Variants in STK10 observed in about 807,000 individuals in gnomAD.
STK10 encodes the protein serine/threonine kinase 10.
STK10 carries 78 observed loss-of-function variants against 113.8 expected under a neutral mutation model. That is an observed-to-expected ratio of 0.69 (90% CI 0.57 to 0.83). The LOEUF (loss-of-function observed/expected upper bound fraction) is 0.83. STK10 is among the 40% of genes least tolerant of loss of function. The pLI is 0.00. For synonymous variants in STK10, 465 were observed against 494.7 expected (o/e 0.94, Z 0.80); for missense variants, 1,109 against 1,280.1 (o/e 0.87, Z 2.04).
rs1768761146 is a variant in STK10 at position 172,093,278 on chromosome 5, A to G, written c.1554+134T>C. The G allele has an allele frequency of 3.3e-6, 3 of 898,234 alleles. No homozygotes were observed. The allele number at this position is 898,234 out of a possible 1,614,324, so 55.6% of individuals were successfully genotyped here. ...CAGATATTTTGGAGATTAAACTATG[A>G]GTCAAACCCAAAACCCCCTAATGAA... On this transcript the variant is annotated intron_variant, in intron 9 of 18. Transcript: ENST00000176763. This position sits in a 1 kb window ranked among gnomAD's most constrained non-coding sequence, Gnocchi z 4.1.
chr5:172,184,845 G>C (rs1770923823), intron 1 of STK10, among the ~76,000 whole-genome samples: 1 of 152,032 alleles, frequency 6.6e-6, no homozygotes, highest in South Asian at 2.1e-4. Flanking sequence ...ATTTTTAGTA[G>C]AGGTGGGGTT....
At chr5:172,089,446 ATGGTTAGGTAGATAGG>A (rs1768643261) in intron 10 of STK10, among the ~76,000 whole-genome samples, 1 of 131,600 alleles carries the variant, frequency 7.6e-6, no homozygotes, top group African/African-American at 2.7e-5. Context: ...GGATGGATGG[ATGGTTAGGTAGATAGG>A]TGGAAGGCTG....
At chr5:172,056,995 GAGAA>G (rs1554115542) in intron 15 of STK10, 1 of 69,664 alleles carries the variant, frequency 1.4e-5, no homozygotes, top group Non-Finnish European at 2.8e-5. Context: ...AAGAAAGAAA[GAGAA>G]AGAAGGAAAG....
chr5:172,102,351 C>T (rs551742371), intron 7 of STK10, among the ~76,000 whole-genome samples: 2 of 152,222 alleles, frequency 1.3e-5, no homozygotes, highest in Admixed American at 6.5e-5. Flanking sequence ...GAGCTGCCAT[C>T]GGCCGAGATG....
At chr5:172,089,329 C>G (rs918408307) in intron 10 of STK10, among the ~76,000 whole-genome samples, 1 of 152,020 alleles carries the variant, frequency 6.6e-6, no homozygotes, top group African/African-American at 2.4e-5. Flanking sequence ...GTAAGTTCTA[C>G]AAGGGCAATG....
At chr5:172,053,182 C>A in intron 17 of STK10, 140 bp from the exon 18 acceptor site, 1 of 662,074 alleles carries the variant, frequency 1.5e-6, no homozygotes, top group African/African-American at 1.8e-5. Flanking sequence ...CCCATTTATT[C>A]AAACTCTATA....
chr5:172,106,853 G>A, intron 5 of STK10, 39 bp from the exon 6 acceptor site: 1 of 1,573,366 alleles, frequency 6.4e-7, no homozygotes. Flanking sequence ...TAAGAATCTG[G>A]CCTTTACAGG....
intron 2 of STK10, among the ~76,000 whole-genome samples, chr5:172,132,989 T>C (rs1370796067): frequency 6.6e-6 from 1 of 152,164 alleles, no homozygotes. Context: ...GGCTGAGTTT[T>C]GAAGGGTGAA....
intron 4 of STK10, 93 bp downstream of exon 4, chr5:172,117,388 T>A: frequency 6.6e-7 from 1 of 1,507,370 alleles, no homozygotes; most frequent in Non-Finnish European, 9.0e-7. Flanking sequence ...CACACCCCCA[T>A]GAGGTCCACA....
chr5:172,102,927 G>C (rs1769021903), intron 7 of STK10, among the ~76,000 whole-genome samples: 1 of 151,988 alleles, frequency 6.6e-6, no homozygotes, highest in Non-Finnish European at 1.5e-5. Context: ...ATTCTGGGTG[G>C]GGGGGGCGGG....
chr5:172,069,221 C>G (rs940253044), intron 12 of STK10, among the ~76,000 whole-genome samples: 1 of 151,546 alleles, frequency 6.6e-6, no homozygotes, highest in Non-Finnish European at 1.5e-5. Context: ...CCATAAACAC[C>G]TCTACTAAAA....
intron 2 of STK10, among the ~76,000 whole-genome samples, chr5:172,146,715 T>C (rs1043937006): frequency 2.0e-5 from 3 of 152,214 alleles, no homozygotes; most frequent in African/African-American, 4.8e-5. Context: ...GGTGTGGATG[T>C]ATAAAGGGCC....
At chr5:172,070,282 T>C (rs1768148544) in intron 12 of STK10, among the ~76,000 whole-genome samples, 1 of 150,632 alleles carries the variant, frequency 6.6e-6, no homozygotes, top group African/African-American at 2.4e-5. Context: ...TATATATCTA[T>C]ATATATATGT....
intron 4 of STK10, among the ~76,000 whole-genome samples, chr5:172,108,861 T>C (rs111623217): frequency 0.12 from 17,682 of 151,936 alleles, 1,095 homozygotes; most frequent in Middle Eastern, 0.13. Flanking sequence ...CTTGGCTCAC[T>C]GTAACCTCCA....
chr5:172,044,775 T>G lies in STK10; in HGVS notation c.*107A>C, dbSNP rs763658458. On this transcript the variant is annotated 3_prime_UTR_variant, in exon 19 of 19. Coordinates refer to ENST00000176763, the MANE Select transcript of STK10 (RefSeq NM_005990.4). This position sits in a 1 kb window ranked among gnomAD's most constrained non-coding sequence, Gnocchi z 4.5. Reference sequence around the variant, plus strand: ...ACAGGGCGAGGGGCTGGATTTGAGCTGGCACAGACGCAAGAGGGAAAAGGG... The same window carrying G: ...ACAGGGCGAGGGGCTGGATTTGAGCGGGCACAGACGCAAGAGGGAAAAGGG... 1 of 1,578,956 alleles carries G rather than the reference T, an allele frequency of 6.3e-7. No homozygotes were observed. The highest frequency in any genetic ancestry group is 8.6e-7 in the Non-Finnish European group (1 of 1,158,516).
rs1401635955 is a variant in STK10 at position 172,055,569 on chromosome 5, C to A, written c.2526+19G>T. ...CTACACCCCAGCACACTTGCAGACC[C>A]CGCAGGCCCGGCCCCCACCTGCTTG... On this transcript the variant is annotated intron_variant, in intron 16 of 18. Coordinates refer to ENST00000176763, the MANE Select transcript of STK10 (RefSeq NM_005990.4). 2 of 1,443,130 alleles carry A rather than the reference C, an allele frequency of 1.4e-6. No homozygotes were observed. The allele number at this position is 1,443,130 out of a possible 1,614,324, so 89.4% of individuals were successfully genotyped here. A position where few individuals can be genotyped will look rare whatever the true frequency, so the allele number is the denominator to read the frequency against.
intron 2 of STK10, among the ~76,000 whole-genome samples, chr5:172,138,228 T>G (rs1345485430): frequency 6.6e-6 from 1 of 152,116 alleles, no homozygotes; most frequent in Non-Finnish European, 1.5e-5. Context: ...TTCAAGCAAT[T>G]CTCCTGCTTC....
At chr5:172,108,022 G>A (rs947702728) in intron 4 of STK10, 170 bp from the exon 5 acceptor site, 67 of 593,158 alleles carry the variant, frequency 1.1e-4, no homozygotes, top group Admixed American at 1.1e-3. Context: ...AGGAAGTACC[G>A]AGATGAACAC....
intron 12 of STK10, among the ~76,000 whole-genome samples, chr5:172,077,308 T>C (rs58862740): frequency 0.17 from 25,593 of 152,150 alleles, 2,376 homozygotes; most frequent in African/African-American, 0.24. Flanking sequence ...TCCAAACTAT[T>C]TAATAGCTAA....
Sources: gnomAD v4.1 joint callset for allele counts (sites outside exome capture counted in the v4.1 genomes callset) on GRCh38, gnomAD v4.1.1 for gene constraint, Gnocchi (gnomAD v3.1) non-coding constraint, MANE v1.5 for transcripts, NCBI Gene and HGNC (gene_info 2026-07-23, HGNC 2026-07-21) for gene names.